ACBD6: variants seen among roughly 807,000 people sequenced by gnomAD.
The protein encoded by ACBD6 is acyl-CoA binding domain containing 6, also known as acyl-CoA-binding domain-containing protein 6.
ACBD6 carries 28 observed loss-of-function variants against 37.2 expected under a neutral mutation model. The ratio of observed to expected loss-of-function variants is 0.75; its 90% CI spans 0.56 to 1.03. ACBD6 has a LOEUF of 1.03. Among genes scored for constraint, ACBD6 ranks in the 50% least tolerant of loss-of-function variants. The pLI is 0.00. For missense variants in ACBD6, 340 were observed against 337.4 expected, an observed-to-expected ratio of 1.01 and a Z score of -0.06; for synonymous variants, 113 against 126.8, an observed-to-expected ratio of 0.89 and a Z score of 0.73.
rs1652011888 is a variant in ACBD6, at chr1:180,502,203, C to G, written c.64G>C (p.Gly22Arg). Residue 22 changes from glycine to arginine, a missense_variant, in exon 1 of 8, where the codon GGG becomes CGG. Gly to Arg is a moderately radical substitution (Grantham distance 125). Transcript: ENST00000367595. ...AACTCCACCTCCCCGGAGTCGTCCC[C>G]TGAGCTCAGCTCTCCACCGCTGTCG... ...TGDSGGELSSGDDSGEVEFPH... is the reference protein window; with the variant it reads ...TGDSGGELSSRDDSGEVEFPH... 3.7e-6 allele frequency: 6 copies of G among 1,613,960 alleles called. No individual in the cohort carries two copies. The highest frequency in any genetic ancestry group is 5.1e-6 in the Non-Finnish European group (6 of 1,179,978).
intron 6 of ACBD6, among the ~76,000 whole-genome samples, chr1:180,342,968 G>A (rs184419746): frequency 5.3e-4 from 80 of 151,940 alleles, no homozygotes; most frequent in Non-Finnish European, 2.7e-4. Flanking sequence ...TGTTTGTCAT[G>A]ATTATTTATG....
chr1:180,451,186 T>A (rs752386697), intron 3 of ACBD6, among the ~76,000 whole-genome samples: 1 of 152,144 alleles, frequency 6.6e-6, no homozygotes, highest in Non-Finnish European at 1.5e-5. Context: ...GAAATGCAAA[T>A]TGAAATCACA....
intron 6 of ACBD6, among the ~76,000 whole-genome samples, chr1:180,345,692 T>C (rs1265105543): frequency 2.0e-5 from 3 of 152,158 alleles, no homozygotes; most frequent in Non-Finnish European, 4.4e-5. Context: ...AGAACATCAT[T>C]ACAATATTAT....
intron 7 of ACBD6, among the ~76,000 whole-genome samples, chr1:180,305,363 C>T (rs1438348170): frequency 6.6e-6 from 1 of 151,904 alleles, no homozygotes; most frequent in Non-Finnish European, 1.5e-5. Context: ...TGACAAAGGG[C>T]TAATATCCAG....
chr1:180,382,344 TAAAC>T (rs2101929286), intron 6 of ACBD6, among the ~76,000 whole-genome samples: 2 of 151,228 alleles, frequency 1.3e-5, no homozygotes, highest in South Asian at 4.2e-4. Context: ...AAGACCCAAA[TAAAC>T]AAAATCAGAA....
chr1:180,413,715 T>C (rs535237350), intron 4 of ACBD6, among the ~76,000 whole-genome samples: 2 of 152,182 alleles, frequency 1.3e-5, no homozygotes, highest in African/African-American at 2.4e-5. Flanking sequence ...TTTAAAAATA[T>C]ATATGAAAGT....
At chr1:180,432,548 G>A (rs2102000456) in intron 3 of ACBD6, among the ~76,000 whole-genome samples, 2 of 152,134 alleles carry the variant, frequency 1.3e-5, no homozygotes, top group Middle Eastern at 6.8e-3. Context: ...AAACAAAAAT[G>A]AGAAACCACT....
At chr1:180,292,911 T>G (rs1010358825) in intron 7 of ACBD6, among the ~76,000 whole-genome samples, 1 of 148,686 alleles carries the variant, frequency 6.7e-6, no homozygotes, top group Non-Finnish European at 1.5e-5. Context: ...TTGTTGTGAG[T>G]TTTTGTTGTT....
In ACBD6 at chr1:180,395,950, A is replaced by G. The variant is rs541294159; in HGVS notation, c.663+1566T>C. On this transcript the variant is annotated intron_variant, in intron 6 of 7. Coordinates refer to ENST00000367595, the MANE Select transcript of ACBD6 (RefSeq NM_032360.4). ...AACAAAGTATGGTAAATACATACAA[A>G]TAATATTCGGCTTTAAAAGGGAAGG... 1.3e-4 allele frequency among the ~76,000 whole-genome samples: 20 copies of G among 152,346 alleles called. No homozygotes were observed. In the South Asian group the frequency reaches 2.9e-3, roughly 22 times the overall value.
chr1:180,315,117 C>T (rs916880655), intron 6 of ACBD6, among the ~76,000 whole-genome samples: 6 of 151,952 alleles, frequency 3.9e-5, no homozygotes, highest in Non-Finnish European at 5.9e-5. Flanking sequence ...ATCTATCTAG[C>T]GATTCTGTGA....
At chr1:180,279,486 C>T (rs141019518) in intron 9 of ACBD6, among the ~76,000 whole-genome samples, 7,300 of 152,086 alleles carry the variant, frequency 0.048, 198 homozygotes, top group Middle Eastern at 0.1. Context: ...TTAGTAGAGA[C>T]GGGGTTTTGC....
intron 3 of ACBD6, among the ~76,000 whole-genome samples, chr1:180,466,433 G>C (rs950011534): frequency 1.3e-5 from 2 of 152,116 alleles, no homozygotes; most frequent in South Asian, 2.1e-4. Context: ...TTGTGGTTTT[G>C]CCTATTACTT....
intron 6 of ACBD6, among the ~76,000 whole-genome samples, chr1:180,343,262 A>AT (rs1652046582): frequency 6.9e-6 from 1 of 145,052 alleles, no homozygotes; most frequent in African/African-American, 2.4e-5. Context: ...AAAAAATCTT[A>AT]TAAAAAAAGA....
chr1:180,284,879 TG>T (rs957444140), downstream of ACBD6, among the ~76,000 whole-genome samples: 13 of 152,044 alleles, frequency 8.6e-5, no homozygotes, highest in African/African-American at 3.1e-4. Flanking sequence ...TGGCCAAGCC[TG>T]GTGGCTCTTG....
Position 180,323,237 on chromosome 1 carries a change from A to T in ACBD6, c.664-8515T>A, listed in dbSNP as rs781726271. ...GAAATCCTCAAAAAAATAGTAGCAA[A>T]CTAAATTCTGTAGTTTCATTTGATT... is the stretch of plus-strand genomic sequence containing the variant. On this transcript the variant is annotated intron_variant, in intron 6 of 7. Transcript: ENST00000367595. Among the ~76,000 whole-genome samples the T allele has an allele frequency of 1.8e-4, 27 of 152,200 alleles. No individual in the cohort carries two copies. In the Middle Eastern group the frequency reaches 0.017, roughly 96 times the overall value.
At chr1:180,278,875 T>C (rs1044556703) in intron 9 of ACBD6, 10 of 151,978 alleles carry the variant, frequency 6.6e-5, no homozygotes, top group African/African-American at 2.4e-4. Context: ...TTTATTGCCA[T>C]ATGACTTTGG....
chr1:180,478,798 T>C (rs1650901183), intron 3 of ACBD6, among the ~76,000 whole-genome samples: 1 of 152,102 alleles, frequency 6.6e-6, no homozygotes, highest in Non-Finnish European at 1.5e-5. Context: ...AATCCCTTTT[T>C]TAAAAAGAAG....
At chr1:180,429,400 T>C (rs960129158) in intron 4 of ACBD6, among the ~76,000 whole-genome samples, 3 of 152,232 alleles carry the variant, frequency 2.0e-5, no homozygotes, top group South Asian at 2.1e-4. Context: ...TAGCGTAATA[T>C]CCTCAAGGTT....
chr1:180,271,301 G>T (rs1648639557), exon 14 of ACBD6: 10 of 1,518,918 alleles, frequency 6.6e-6, no homozygotes, highest in Non-Finnish European at 4.6e-6. Flanking sequence ...GGTGCAGAAA[G>T]GATGGAAGGG....
Sources: allele counts gnomAD v4.1 joint callset (sites outside exome capture counted in the v4.1 genomes callset), GRCh38; gene constraint gnomAD v4.1.1; transcripts MANE v1.5; gene names NCBI Gene and HGNC (gene_info 2026-07-23, HGNC 2026-07-21).